Variants in YEATS4 observed in about 807,000 individuals in gnomAD.
YEATS4 encodes YEATS domain containing 4.
Under a neutral mutation model 30.1 loss-of-function variants are expected in YEATS4, and 17 were observed. The ratio of observed to expected loss-of-function variants is 0.56; its 90% CI spans 0.39 to 0.85. The LOEUF (loss-of-function observed/expected upper bound fraction) is 0.85. Ranked by LOEUF, YEATS4 falls within the 40% of genes least tolerant of loss-of-function variation. The pLI, the probability that YEATS4 is intolerant of heterozygous loss-of-function variation, is 0.00. For missense variants in YEATS4, 142 were observed against 268.3 expected, an observed-to-expected ratio of 0.53 and a Z score of 3.29; for synonymous variants, 85 against 87.5, an observed-to-expected ratio of 0.97 and a Z score of 0.16.
downstream of YEATS4, among the ~76,000 whole-genome samples, chr12:69,394,358 T>G (rs1352802960): frequency 1.3e-5 from 2 of 152,136 alleles, no homozygotes; most frequent in Non-Finnish European, 2.9e-5. Context: ...AGAATTATTA[T>G]GAATCATTAA....
At chr12:69,418,728 A>G in the YEATS4 span, among the ~76,000 whole-genome samples, 9 of 152,040 alleles carry the variant, frequency 5.9e-5, no homozygotes. Context: ...CATAATCTAA[A>G]TGCATTTGAG....
At chr12:69,416,486 T>A in the YEATS4 span, among the ~76,000 whole-genome samples, 1 of 152,116 alleles carries the variant, frequency 6.6e-6, no homozygotes, top group Non-Finnish European at 1.5e-5. Context: ...GTTATCAGAA[T>A]GGTGTTTCTA....
intron 1 of YEATS4, 60 bp downstream of exon 1, chr12:69,360,083 C>A: frequency 6.3e-7 from 1 of 1,582,010 alleles, no homozygotes; most frequent in Non-Finnish European, 8.6e-7. Flanking sequence ...CCTCCCTGCG[C>A]GGCGCGGGGA....
chr12:69,379,797 CTT>C (rs1414878605), intron 6 of YEATS4, among the ~76,000 whole-genome samples: 2 of 151,718 alleles, frequency 1.3e-5, no homozygotes, highest in Non-Finnish European at 2.9e-5. Context: ...TTCATTTTCT[CTT>C]GTCTCCTCTC....
At chr12:69,375,854 A>C (rs1015205115) in intron 6 of YEATS4, among the ~76,000 whole-genome samples, 12 of 151,842 alleles carry the variant, frequency 7.9e-5, no homozygotes, top group Non-Finnish European at 1.2e-4. Context: ...TGGCGGCAGT[A>C]CAGTCCAGCC....
the YEATS4 span, among the ~76,000 whole-genome samples, chr12:69,403,576 CAAAAAAAA>C: frequency 1.1e-5 from 1 of 87,128 alleles, no homozygotes; most frequent in South Asian, 4.1e-4. Context: ...GACTCTGTCT[CAAAAAAAA>C]AAAAAAAGAA....
chr12:69,393,741 A>G (rs190617025), downstream of YEATS4, among the ~76,000 whole-genome samples: 225 of 152,294 alleles, frequency 1.5e-3, no homozygotes, highest in Middle Eastern at 3.4e-3. Flanking sequence ...CAGATGAAAC[A>G]AGATTGGCTG....
the YEATS4 span, chr12:69,422,601 A>G: frequency 7.1e-6 from 1 of 141,288 alleles, no homozygotes; most frequent in Admixed American, 7.6e-5. Context: ...ACTGCACTCC[A>G]GCCTGGGTGA....
the YEATS4 span, among the ~76,000 whole-genome samples, chr12:69,407,338 G>A: frequency 3.3e-5 from 5 of 151,972 alleles, no homozygotes; most frequent in South Asian, 2.1e-4. Context: ...TGTATGGAAC[G>A]TACTTTGCAC....
chr12:69,385,430 T>G (rs34111034), intron 6 of YEATS4, among the ~76,000 whole-genome samples: 8,677 of 152,248 alleles, frequency 0.057, 488 homozygotes, highest in East Asian at 0.28. Context: ...AGTCAATATT[T>G]AGTAATAATA....
chr12:69,368,765 T>C (rs1459490492), intron 4 of YEATS4, among the ~76,000 whole-genome samples: 1 of 152,204 alleles, frequency 6.6e-6, no homozygotes, highest in Non-Finnish European at 1.5e-5. Flanking sequence ...TGGCAACATA[T>C]CTCTAATATC....
the YEATS4 span, among the ~76,000 whole-genome samples, chr12:69,397,457 GC>G: frequency 6.6e-6 from 1 of 152,100 alleles, no homozygotes; most frequent in Non-Finnish European, 1.5e-5. Flanking sequence ...AATCATGGGG[GC>G]TGGTTTTTCC....
the YEATS4 span, among the ~76,000 whole-genome samples, chr12:69,413,510 G>GCCCCCC: frequency 7.6e-6 from 1 of 130,930 alleles, no homozygotes; most frequent in Non-Finnish European, 1.6e-5. Flanking sequence ...GGTCTTCAAC[G>GCCCCCC]CCCCCCCCAT....
At chr12:69,397,344 T>C in the YEATS4 span, among the ~76,000 whole-genome samples, 2 of 152,154 alleles carry the variant, frequency 1.3e-5, no homozygotes, top group Non-Finnish European at 2.9e-5. Flanking sequence ...TAATCTAATA[T>C]GACTCGTGAT....
chr12:69,416,183 C>T, the YEATS4 span, among the ~76,000 whole-genome samples: 1 of 152,310 alleles, frequency 6.6e-6, no homozygotes, highest in East Asian at 1.9e-4. Context: ...CATCGCTCAC[C>T]TGCAAACTGC....
chr12:69,422,374 G>A, the YEATS4 span, among the ~76,000 whole-genome samples: 5 of 152,116 alleles, frequency 3.3e-5, no homozygotes, highest in Non-Finnish European at 5.9e-5. Context: ...GCTCACGCCT[G>A]TAATCCCAGC....
downstream of YEATS4, among the ~76,000 whole-genome samples, chr12:69,393,638 C>T (rs1386055205): frequency 6.6e-6 from 1 of 151,284 alleles, no homozygotes. Context: ...ACCCAGAAAT[C>T]ATAAAGTTTT....
At chr12:69,377,763 G>C (rs1486938429) in intron 6 of YEATS4, among the ~76,000 whole-genome samples, 1 of 152,096 alleles carries the variant, frequency 6.6e-6, no homozygotes, top group East Asian at 1.9e-4. Flanking sequence ...CCTAACATAT[G>C]GTCTTTATCC....
At chr12:69,396,622 A>G in the YEATS4 span, among the ~76,000 whole-genome samples, 1 of 152,168 alleles carries the variant, frequency 6.6e-6, no homozygotes. Flanking sequence ...AATTAATGAG[A>G]ACATGAGTTA....
Sources: allele counts gnomAD v4.1 joint callset (sites outside exome capture counted in the v4.1 genomes callset), GRCh38; gene constraint gnomAD v4.1.1; transcripts MANE v1.5; gene names NCBI Gene and HGNC (gene_info 2026-07-23, HGNC 2026-07-21).